ZNF766: variants seen among roughly 807,000 people sequenced by gnomAD.
ZNF766 encodes zinc finger protein 766.
ZNF766 carries 13 observed loss-of-function variants against 13.2 expected under a neutral mutation model. The ratio of observed to expected loss-of-function variants is 0.98; its 90% CI spans 0.64 to 1.56. ZNF766 has a LOEUF of 1.56. ZNF766 is among the 40% of genes most tolerant of loss of function. The probability of loss-of-function intolerance (pLI) is 0.00; values close to 1 mark genes in which losing one functional copy is unlikely to be tolerated. For missense variants in ZNF766, 521 were observed against 552.2 expected, an observed-to-expected ratio of 0.94 and a Z score of 0.57; for synonymous variants, 178 against 187.6, an observed-to-expected ratio of 0.95 and a Z score of 0.42.
Position 52,290,577 on chromosome 19 carries a change from G to C in ZNF766, c.786G>C (p.Glu262Asp), listed in dbSNP as rs1231189930. ...GAATTGCATACCTTGCACGACACGA[G>C]AAAGTGCATACTGGAGAGAGTCCTT... ...FNRIAYLARH[E>D]KVHTGESPYK... Residue 262 changes from glutamate to aspartate, a missense_variant, in exon 4 of 4, where the codon GAG becomes GAC. Physicochemically the swap from Glu to Asp is conservative, Grantham distance 45. Coordinates refer to ENST00000439461, the MANE Select transcript of ZNF766 (RefSeq NM_001010851.3). 6.2e-7 allele frequency: 1 copy of C among 1,614,110 alleles called. No individual in the cohort carries two copies. Among genetic ancestry groups the C allele is most frequent in the Admixed American group, 1.7e-5 (1 of 60,012 alleles).
In ZNF766 at chr19:52,290,317, C is replaced by A; in HGVS notation, c.526C>A (p.Gln176Lys). 6.2e-7 allele frequency: 1 copy of A among 1,613,928 alleles called. No homozygotes were observed. The highest frequency in any genetic ancestry group is 1.7e-5 in the Admixed American group (1 of 60,022). ...TTTTGTTGATTTTCCATTGCTGTCA[C>A]AAGAACAGAAAGCACACATTAGGAG... Reference protein sequence around the residue: ...NDFVDFPLLSQEQKAHIRRKP... With the variant: ...NDFVDFPLLSKEQKAHIRRKP... The change falls in exon 4 of 4, where the codon CAA becomes AAA. Residue 176 changes from glutamine (Q) to lysine (K), a missense_variant. Gln to Lys is a moderately conservative substitution (Grantham distance 53). Coordinates refer to ENST00000439461, the MANE Select transcript of ZNF766 (RefSeq NM_001010851.3).
intron 3 of ZNF766, among the ~76,000 whole-genome samples, chr19:52,285,227 A>C (rs945659964): frequency 5.9e-5 from 9 of 152,172 alleles, no homozygotes; most frequent in Non-Finnish European, 1.2e-4. Flanking sequence ...ACACAGAAGA[A>C]GACTTCTCTG....
chr19:52,289,917 C>T (rs1303728524), intron 3 of ZNF766, 149 bp from the exon 4 acceptor site: 14 of 721,988 alleles, frequency 1.9e-5, no homozygotes, highest in African/African-American at 3.6e-5. Flanking sequence ...AGGAGAATGG[C>T]GGGAACCTGG....
chr19:52,283,605 C>T (rs189026832), intron 3 of ZNF766, among the ~76,000 whole-genome samples, 192 bp downstream of exon 3: 4 of 152,206 alleles, frequency 2.6e-5, no homozygotes, highest in Non-Finnish European at 5.9e-5. Context: ...CCTACCAGAG[C>T]CACACTATTA....
chr19:52,291,295 G>T lies in ZNF766; in HGVS notation c.*97G>T, dbSNP rs565438597. 1 of 1,210,066 alleles carries T rather than the reference G, an allele frequency of 8.3e-7. No individual in the cohort carries two copies. Among genetic ancestry groups the T allele is most frequent in the Non-Finnish European group, 1.1e-6 (1 of 871,324 alleles). 75.0% of individuals were successfully genotyped at this position (1,210,066 alleles called of 1,614,324 possible). On this transcript the variant is annotated 3_prime_UTR_variant, in exon 4 of 4. Coordinates refer to ENST00000439461, the MANE Select transcript of ZNF766 (RefSeq NM_001010851.3). ...AAATGTACTATATGTGGCACAGGCTGTATCGAGACCTACCAAATCACTAGA... is the reference window on the plus strand; with the variant it reads ...AAATGTACTATATGTGGCACAGGCTTTATCGAGACCTACCAAATCACTAGA...
intron 1 of ZNF766, 93 bp downstream of exon 1, chr19:52,269,724 C>A (rs1980887314): frequency 6.8e-7 from 1 of 1,473,894 alleles, no homozygotes; most frequent in Non-Finnish European, 9.3e-7. Flanking sequence ...ACCTTGAAAT[C>A]CCCGCACCGC....
Position 52,291,987 on chromosome 19 carries a change from G to A in ZNF766, c.*789G>A. 10 of 581,080 alleles carry A rather than the reference G, an allele frequency of 1.7e-5. No individual in the cohort carries two copies. In the South Asian group the frequency reaches 2.0e-4, roughly 11 times the overall value. 36.0% of individuals were successfully genotyped at this position (581,080 alleles called of 1,614,324 possible). A position where few individuals can be genotyped will look rare whatever the true frequency, so the allele number is the denominator to read the frequency against. On this transcript the variant is annotated 3_prime_UTR_variant, in exon 4 of 4. Coordinates refer to ENST00000439461, the MANE Select transcript of ZNF766 (RefSeq NM_001010851.3). ...CTCAAGAGGCCGAGGCAAGAGGATT[G>A]CTCAAGCCCAGGAGTTTGAGAGTTT...
chr19:52,282,096 C>A lies in ZNF766; in HGVS notation c.19-15C>A. On this transcript the variant is annotated splice_polypyrimidine_tract_variant and intron_variant, in intron 1 of 3. Coordinates refer to ENST00000439461, the MANE Select transcript of ZNF766 (RefSeq NM_001010851.3). Reference sequence around the variant, plus strand: ...CTCTCCTTACCCTGTTGGTCAAATACATCTTTTATTTTAGGGACACTTGAC... The same window carrying A: ...CTCTCCTTACCCTGTTGGTCAAATAAATCTTTTATTTTAGGGACACTTGAC... 1 of 1,593,100 alleles carries A rather than the reference C, an allele frequency of 6.3e-7. No homozygotes were observed. Among genetic ancestry groups the A allele is most frequent in the Non-Finnish European group, 8.6e-7 (1 of 1,167,244 alleles).
At chr19:52,285,857 G>A (rs1280712435) in intron 3 of ZNF766, among the ~76,000 whole-genome samples, 1 of 152,184 alleles carries the variant, frequency 6.6e-6, no homozygotes, top group African/African-American at 2.4e-5. Flanking sequence ...GGTCTGCAGA[G>A]AAGGTCTAAC....
chr19:52,269,715 C>T, intron 1 of ZNF766, 84 bp downstream of exon 1: 1 of 1,523,612 alleles, frequency 6.6e-7, no homozygotes, highest in Non-Finnish European at 9.0e-7. Flanking sequence ...GCGGTACAGA[C>T]CTTGAAATCC....
Position 52,290,120 on chromosome 19 carries a change from T to C in ZNF766, c.329T>C (p.Leu110Pro), listed in dbSNP as rs762463912. 1.2e-6 allele frequency: 2 copies of C among 1,614,014 alleles called. No homozygotes were observed. Among genetic ancestry groups the C allele is most frequent in the South Asian group, 1.1e-5 (1 of 91,046 alleles). ...GGAAACAAGCCTATTACAAATCAAC[T>C]TGGATTAACCTTTCAGTTACCTCTG... Reference protein sequence around the residue: ...KAGNKPITNQLGLTFQLPLPE... With the variant: ...KAGNKPITNQPGLTFQLPLPE... Residue 110 changes from leucine to proline, a missense_variant, in exon 4 of 4, where the codon CTT becomes CCT. By Grantham distance (98) the Leu-to-Pro change is moderately conservative. Transcript: ENST00000439461.
chr19:52,288,567 TTTTGTTTAGAGATAAGGGGTCTCAC>T (rs371436229), intron 3 of ZNF766, among the ~76,000 whole-genome samples: 2,761 of 151,782 alleles, frequency 0.018, 47 homozygotes, highest in Non-Finnish European at 0.025. Flanking sequence ...TATTTATTTA[TTTTGTTTAGAGATAAGGGGTCTCAC>T]TTTGTTGCCT....
At position 52,281,770 on chromosome 19, in the gene ZNF766, A is replaced by G. The variant is rs565456165; in HGVS notation, c.19-341A>G. 7 of 493,334 alleles carry G rather than the reference A, an allele frequency of 1.4e-5. No homozygotes were observed. In the East Asian group the frequency reaches 4.0e-4, roughly 28 times the overall value. The allele number at this position is 493,334 out of a possible 1,614,324, so 30.6% of individuals were successfully genotyped here. On this transcript the variant is annotated intron_variant, in intron 1 of 3. Coordinates refer to ENST00000439461, the MANE Select transcript of ZNF766 (RefSeq NM_001010851.3). The stretch of plus-strand genomic sequence containing the variant: ...ACACAAAATTAACCCACAATTCTAT[A>G]GAAGTGTTAGGTATTATGTTCGACA...
intron 3 of ZNF766, among the ~76,000 whole-genome samples, chr19:52,289,530 C>T (rs938176027): frequency 1.3e-5 from 2 of 152,156 alleles, no homozygotes; most frequent in East Asian, 1.9e-4. Context: ...TTGTATTTCT[C>T]TACTCATAAT....
chr19:52,270,330 A>T (rs893458359), intron 1 of ZNF766, among the ~76,000 whole-genome samples: 6 of 152,192 alleles, frequency 3.9e-5, no homozygotes, highest in South Asian at 2.1e-4. Context: ...ATCCATAACA[A>T]GACGGCAACG....
intron 3 of ZNF766, among the ~76,000 whole-genome samples, chr19:52,286,817 T>G (rs575750367): frequency 7.2e-5 from 11 of 152,260 alleles, no homozygotes; most frequent in African/African-American, 2.4e-4. Context: ...ATTAGATTAA[T>G]CAGGAATATT....
At position 52,291,891 on chromosome 19, in the gene ZNF766, G is replaced by T; in HGVS notation, c.*693G>T. On this transcript the variant is annotated 3_prime_UTR_variant, in exon 4 of 4. Coordinates refer to ENST00000439461, the MANE Select transcript of ZNF766 (RefSeq NM_001010851.3). ...GGAGATCAAGATAAGTATGGGCAAC[G>T]TAGCAAGGCCCATCCCTACAAAATA... 2.3e-6 allele frequency: 1 copy of T among 430,150 alleles called. No individual in the cohort carries two copies. Among genetic ancestry groups the T allele is most frequent in the Non-Finnish European group, 4.1e-6 (1 of 241,844 alleles). The allele number at this position is 430,150 out of a possible 1,614,324, so 26.6% of individuals were successfully genotyped here.
chr19:52,295,656 A>G lies in ZNF766; in HGVS notation c.*4458A>G, dbSNP rs909224413. On this transcript the variant is annotated 3_prime_UTR_variant, in exon 4 of 4. Transcript: ENST00000439461. Reference sequence around the variant, plus strand: ...TGAAAAAGGAAAAAATGCTTTCACTATATTAGAGGACTTGAAGTAACGTGA... The same window carrying G: ...TGAAAAAGGAAAAAATGCTTTCACTGTATTAGAGGACTTGAAGTAACGTGA... 5.3e-5 allele frequency: 8 copies of G among 152,180 alleles called. No individual in the cohort carries two copies. The highest frequency in any genetic ancestry group is 1.9e-4 in the African/African-American group (8 of 41,452). 9.4% of individuals were successfully genotyped at this position (152,180 alleles called of 1,614,324 possible).
In ZNF766 at chr19:52,290,908, C is replaced by A; in HGVS notation, c.1117C>A (p.His373Asn). 6.2e-7 allele frequency: 1 copy of A among 1,614,142 alleles called. No homozygotes were observed. Among genetic ancestry groups the A allele is most frequent in the Non-Finnish European group, 8.5e-7 (1 of 1,180,012 alleles). Residue 373 changes from histidine to asparagine, a missense_variant, in exon 4 of 4, where the codon CAT becomes AAT. Transcript: ENST00000439461. ...AFRHKFSLTV[H>N]QRNHNGEKPY... ...TAGGCACAAGTTCTCCCTGACAGTT[C>A]ATCAGAGAAATCATAATGGAGAGAA...
Sources: gnomAD v4.1 joint callset for allele counts (sites outside exome capture counted in the v4.1 genomes callset) on GRCh38, gnomAD v4.1.1 for gene constraint, MANE v1.5 for transcripts, NCBI Gene and HGNC (gene_info 2026-07-23, HGNC 2026-07-21) for gene names.